The following CPSF1 variants were observed in gnomAD, a reference collection of about 807,000 sequenced individuals.
CPSF1 encodes the protein cleavage and polyadenylation specificity factor subunit 1.
A neutral mutation model predicts 175.8 loss-of-function variants in CPSF1; 106 were observed. That is an observed-to-expected ratio of 0.60 (90% CI 0.52 to 0.71). The LOEUF (loss-of-function observed/expected upper bound fraction) is 0.71, where lower values mean the gene tolerates loss of function less well. CPSF1 is among the 30% of genes least tolerant of loss of function. The probability of loss-of-function intolerance (pLI) is 0.00; values close to 1 mark genes in which losing one functional copy is unlikely to be tolerated. For missense variants in CPSF1, 1,734 were observed against 2,022.9 expected (o/e 0.86, Z 2.74); for synonymous variants, 1,024 against 858.3 (o/e 1.19, Z -3.37).
At position 144,394,379 on chromosome 8, in the gene CPSF1, C is replaced by T; in HGVS notation, c.3744G>A (p.Arg1248=). Residue 1248 remains arginine, a splice_region_variant and synonymous_variant, in exon 32 of 38, where the codon CGG becomes CGA. Transcript: ENST00000616140. ...ACGAGCACCGCCGCCACAGGTGTAC[C>T]CGCGACACCAGGCTCAGCGTCTTGC... ...EESKTLSLVS[R]DAKPLEVYSV... 1 of 1,602,828 alleles carries T rather than the reference C, an allele frequency of 6.2e-7. No individual in the cohort carries two copies.
Position 144,401,049 on chromosome 8 carries a change from C to T in CPSF1, c.414G>A (p.Thr138=), listed in dbSNP as rs2116880982. ...CGTCGGGGTCCACCCGCACTCGCGG[C>T]GTGTGTACATTCTGCACAAACCCGT... ...LRDGFVQNVH[T]PRVRVDPDGR... Residue 138 remains threonine (T), a synonymous_variant, in exon 6 of 38, where the codon ACG becomes ACA. Transcript: ENST00000616140. 76 of 1,607,468 alleles carry T rather than the reference C, an allele frequency of 4.7e-5. No individual in the cohort carries two copies. The Middle Eastern group carries it at 6.6e-4, about 14-fold the overall frequency.
Position 144,393,260 on chromosome 8 carries a change from T to A in CPSF1, c.*58A>T. The A allele has an allele frequency of 6.9e-7, 1 of 1,444,446 alleles. No homozygotes were observed. The highest frequency in any genetic ancestry group is 9.2e-7 in the Non-Finnish European group (1 of 1,086,896). The allele number at this position is 1,444,446 out of a possible 1,614,324, so 89.5% of individuals were successfully genotyped here. On this transcript the variant is annotated 3_prime_UTR_variant, in exon 38 of 38. Coordinates refer to ENST00000616140, the MANE Select transcript of CPSF1 (RefSeq NM_013291.3). The stretch of plus-strand genomic sequence containing the variant: ...GCAAAAAATGTTTTTCCTTGTGTTT[T>A]GTACAAAAAGGGGGTGGGAGGTAGT...
chr8:144,396,611 T>A lies in CPSF1; in HGVS notation c.2813A>T (p.Tyr938Phe), dbSNP rs1554863853. Residue 938 changes from tyrosine to phenylalanine, a missense_variant, in exon 25 of 38, where the codon TAT becomes TTT. This residue lies in a region of CPSF1 where 585 missense variants were observed against 584.7 expected (regional missense o/e 1.00). Transcript: ENST00000616140. ...GCGCTGGCCTACCCCTGAGTAGCCA[T>A]AAATATCCTCGAAGTAGCGGAAACG... Reference protein sequence around the residue: ...VARFRYFEDIYGYSGVFICGP... With the variant: ...VARFRYFEDIFGYSGVFICGP... 1 of 1,613,356 alleles carries A rather than the reference T, an allele frequency of 6.2e-7. No individual in the cohort carries two copies. The highest frequency in any genetic ancestry group is 8.5e-7 in the Non-Finnish European group (1 of 1,179,828).
At position 144,400,354 on chromosome 8, in the gene CPSF1, C is replaced by A; in HGVS notation, c.826G>T (p.Gly276Cys). The A allele has an allele frequency of 6.2e-7, 1 of 1,613,896 alleles. No individual in the cohort carries two copies. Among genetic ancestry groups the A allele is most frequent in the Non-Finnish European group, 8.5e-7 (1 of 1,179,960 alleles). The change falls in exon 8 of 38, where the codon GGT becomes TGT. Residue 276 changes from glycine (G) to cysteine (C), a missense_variant and splice_region_variant. By Grantham distance (159) the Gly-to-Cys change is radical. This residue lies in a region of CPSF1 where 61 missense variants were observed against 104.0 expected (regional missense o/e 0.59). Coordinates refer to ENST00000616140, the MANE Select transcript of CPSF1 (RefSeq NM_013291.3). The stretch of plus-strand genomic sequence containing the variant: ...CCCTATCCACTCCCAGGACACACAC[C>A]TATGGGCTTGGGCACAGCCAGAGCC... ...TQALAVPKPI[G>C]GVVVFAVNSL...
chr8:144,398,795 G>C lies in CPSF1; in HGVS notation c.1622C>G (p.Pro541Arg). 6.2e-7 allele frequency: 1 copy of C among 1,601,296 alleles called. No homozygotes were observed. The highest frequency in any genetic ancestry group is 8.5e-7 in the Non-Finnish European group (1 of 1,171,344). The change falls in exon 17 of 38, where the codon CCG (proline) becomes CGG (arginine). Residue 541 changes from proline (P) to arginine (R), a missense_variant. By Grantham distance (103) the Pro-to-Arg change is moderately radical (BLOSUM62 -2). Transcript: ENST00000616140. ...GCYDMWTVIA[P>R]VRKEEEDNPK... Reference sequence around the variant, plus strand: ...CGCACCTACCTCCTCCTTACGCACCGGGGCGATGACTGTCCACATGTCATA... The same window carrying C: ...CGCACCTACCTCCTCCTTACGCACCCGGGCGATGACTGTCCACATGTCATA...
intron 26 of CPSF1, 81 bp from the exon 27 acceptor site, chr8:144,395,632 G>A: frequency 1.6e-6 from 2 of 1,221,676 alleles, no homozygotes; most frequent in East Asian, 2.5e-5. Flanking sequence ...CAAGAGCCCT[G>A]GGATGTTGCC....
Position 144,400,289 on chromosome 8 carries a change from A to C in CPSF1, c.827-13T>G. 1.2e-6 allele frequency: 2 copies of C among 1,608,172 alleles called. No individual in the cohort carries two copies. Among genetic ancestry groups the C allele is most frequent in the African/African-American group, 1.3e-5 (1 of 74,912 alleles). On this transcript the variant is annotated splice_polypyrimidine_tract_variant and intron_variant, in intron 8 of 37. Transcript: ENST00000616140. ...ACCACCACCCCACCTGGAGGTGGAC[A>C]CAGGCTGGTGGGCAGGCTCAGTGCT... is the stretch of plus-strand genomic sequence containing the variant.
chr8:144,402,517 C>G (rs368500369), intron 2 of CPSF1, among the ~76,000 whole-genome samples: 1 of 152,144 alleles, frequency 6.6e-6, no homozygotes, highest in African/African-American at 2.4e-5. Flanking sequence ...GTTGGCCAGG[C>G]TGGTCTCGAA....
At chr8:144,401,341 G>A in intron 4 of CPSF1, 50 bp from the exon 5 acceptor site, 1 of 1,605,378 alleles carries the variant, frequency 6.2e-7, no homozygotes, top group Non-Finnish European at 8.5e-7. Context: ...TCCTGACAGT[G>A]TCGCCCCCGG....
chr8:144,403,697 C>CATGTGCCACCATGCCCGGCT (rs1564697614), intron 2 of CPSF1, among the ~76,000 whole-genome samples: 1 of 122,450 alleles, frequency 8.2e-6, no homozygotes, highest in Non-Finnish European at 1.7e-5. Flanking sequence ...GGATTACAGG[C>CATGTGCCACCATGCCCGGCT]ATGTGCTACC....
chr8:144,400,113 G>T, intron 9 of CPSF1, 28 bp from the exon 10 acceptor site: 1 of 1,589,576 alleles, frequency 6.3e-7, no homozygotes. Flanking sequence ...AGGCCGACTA[G>T]GCAGGCCCAA....
In CPSF1 at chr8:144,398,360, G is replaced by C. The variant is rs2116849199; in HGVS notation, c.1836C>G (p.Ile612Met). The part of the protein sequence containing the change: ...TQGPTVFAGN[I>M]GDNRYIVQVS... The stretch of plus-strand genomic sequence containing the variant: ...CTTGGACAATGTAGCGGTTGTCCCC[G>C]ATGTTCCCAGCAAAGACCGTGGGGC... Residue 612 changes from isoleucine to methionine, a missense_variant, in exon 19 of 38, where the codon ATC becomes ATG. Ile to Met is a conservative substitution (Grantham distance 10). This residue lies in a region of CPSF1 where 280 missense variants were observed against 349.2 expected (regional missense o/e 0.80). Coordinates refer to ENST00000616140, the MANE Select transcript of CPSF1 (RefSeq NM_013291.3). The C allele has an allele frequency of 6.3e-7, 1 of 1,580,520 alleles. No homozygotes were observed. Among genetic ancestry groups the C allele is most frequent in the South Asian group, 1.1e-5 (1 of 90,498 alleles).
Position 144,393,289 on chromosome 8 carries a change from G to A in CPSF1, c.*29C>T, listed in dbSNP as rs782730247. On this transcript the variant is annotated 3_prime_UTR_variant, in exon 38 of 38. Coordinates refer to ENST00000616140, the MANE Select transcript of CPSF1 (RefSeq NM_013291.3). ...CAAAAAGGGGGTGGGAGGTAGTTCC[G>A]TGTGCTGGTGGTGACGGCATCCACG... 24 of 1,479,188 alleles carry A rather than the reference G, an allele frequency of 1.6e-5. No homozygotes were observed. In the Admixed American group the frequency reaches 2.9e-4, roughly 18 times the overall value. The allele number at this position is 1,479,188 out of a possible 1,614,324, so 91.6% of individuals were successfully genotyped here. A position where few individuals can be genotyped will look rare whatever the true frequency, so the allele number is the denominator to read the frequency against.
rs781936526 is a variant in CPSF1 at position 144,393,566 on chromosome 8, G to A, written c.4170C>T (p.Thr1390=). ...AFRMLHVDRR[T]LQNAVRNVLD... The stretch of plus-strand genomic sequence containing the variant: ...GCACGTTGCGCACGGCATTCTGGAG[G>A]GTGCGGCGGTCCACGTGCAGCATCC... The change falls in exon 37 of 38, where the codon ACC becomes ACT. Residue 1390 remains threonine (T), a synonymous_variant. Transcript: ENST00000616140. 1.1e-5 allele frequency: 18 copies of A among 1,604,798 alleles called. No individual in the cohort carries two copies. Among genetic ancestry groups the A allele is most frequent in the Admixed American group, 5.1e-5 (3 of 58,826 alleles).
intron 9 of CPSF1, 31 bp downstream of exon 9, chr8:144,400,135 G>GGGGGGGCCCCCCCCC: frequency 2.2e-6 from 2 of 896,006 alleles, no homozygotes; most frequent in Non-Finnish European, 3.2e-6. Context: ...CCGTCCCCGG[G>GGGGGGGCCCCCCCCC]CCCCCCCCGC....
At position 144,399,977 on chromosome 8, in the gene CPSF1, G is replaced by C; in HGVS notation, c.1031+15C>G. The stretch of plus-strand genomic sequence containing the variant: ...GGCGGTGTGGGCAGAGTTCATGGGC[G>C]GGGGAGGGGCTCACATCTCGCCGCC... On this transcript the variant is annotated intron_variant, in intron 10 of 37. Transcript: ENST00000616140. The surrounding 1 kb of genome is among the most constrained non-coding windows in gnomAD (Gnocchi z 6.4). 2.5e-6 allele frequency: 4 copies of C among 1,609,120 alleles called. No homozygotes were observed. Among genetic ancestry groups the C allele is most frequent in the Non-Finnish European group, 3.4e-6 (4 of 1,177,884 alleles).
chr8:144,400,028 T>C lies in CPSF1; in HGVS notation c.995A>G (p.Tyr332Cys). ...LDCAQATFIS[Y>C]DKMVISLKGG... ...CTTGAGGGAGATGACCATCTTGTCGTAGGAGATGAAGGTGGCCTGGGCGCA... is the reference window on the plus strand; with the variant it reads ...CTTGAGGGAGATGACCATCTTGTCGCAGGAGATGAAGGTGGCCTGGGCGCA... Residue 332 changes from tyrosine (Y) to cysteine (C), a missense_variant, in exon 10 of 38, where the codon TAC becomes TGC. Physicochemically the swap from Tyr to Cys is radical, Grantham distance 194. This residue lies in a region of CPSF1 where 162 missense variants were observed against 169.5 expected (regional missense o/e 0.96). Coordinates refer to ENST00000616140, the MANE Select transcript of CPSF1 (RefSeq NM_013291.3). 3.1e-6 allele frequency: 5 copies of C among 1,610,438 alleles called. No homozygotes were observed. Among genetic ancestry groups the C allele is most frequent in the Admixed American group, 1.7e-5 (1 of 59,666 alleles).
In CPSF1 at chr8:144,401,659, ATTC is replaced by A; in HGVS notation, c.156_158del (p.Lys52del). 6.2e-7 allele frequency: 1 copy of A among 1,610,108 alleles called. No homozygotes were observed. Among genetic ancestry groups the A allele is most frequent in the Non-Finnish European group, 8.5e-7 (1 of 1,178,374 alleles). On this transcript the variant is annotated inframe_deletion, in exon 3 of 38. Coordinates refer to ENST00000616140, the MANE Select transcript of CPSF1 (RefSeq NM_013291.3). ...CACCACACTCACCTGTGCTCCTGTC[ATTC>A]TTGGTCAGAGCCTGGAGGGGAGAGA...
chr8:144,400,134 G>GCTCC, intron 9 of CPSF1, 32 bp downstream of exon 9: 2 of 964,402 alleles, frequency 2.1e-6, no homozygotes, highest in Non-Finnish European at 2.9e-6. Flanking sequence ...GCCGTCCCCG[G>GCTCC]GCCCCCCCCG....
Sources: gnomAD v4.1 joint callset for allele counts (sites outside exome capture counted in the v4.1 genomes callset) on GRCh38, gnomAD v4.1.1 for gene constraint, gnomAD v4.1.1 regional missense constraint, Gnocchi (gnomAD v3.1) non-coding constraint, MANE v1.5 for transcripts, NCBI Gene and HGNC (gene_info 2026-07-23, HGNC 2026-07-21) for gene names.